Variants in RHPN2 observed in about 807,000 individuals in gnomAD.
The protein encoded by RHPN2 is rhophilin-2.
RHPN2 carries 40 observed loss-of-function variants against 79.0 expected under a neutral mutation model. The observed-to-expected ratio is 0.51, with a 90% CI of 0.39 to 0.66. The LOEUF (loss-of-function observed/expected upper bound fraction) is 0.66, where lower values mean the gene tolerates loss of function less well. RHPN2 is among the 30% of genes least tolerant of loss of function. RHPN2 has a pLI of 0.00. For synonymous variants in RHPN2, 285 were observed against 363.5 expected, an observed-to-expected ratio of 0.78 and a Z score of 2.46; for missense variants, 686 against 883.5, an observed-to-expected ratio of 0.78 and a Z score of 2.83.
At chr19:33,043,132 CT>C (rs936118372) in intron 2 of RHPN2, among the ~76,000 whole-genome samples, 1 of 151,080 alleles carries the variant, frequency 6.6e-6, no homozygotes, top group Non-Finnish European at 1.5e-5. Context: ...GTCCCAGCTA[CT>C]CAGTAGGCTG....
intron 14 of RHPN2, among the ~76,000 whole-genome samples, chr19:32,982,253 C>G (rs1213740961): frequency 6.6e-6 from 1 of 151,806 alleles, no homozygotes; most frequent in Non-Finnish European, 1.5e-5. Flanking sequence ...ACTAAAAATA[C>G]AAAAATCAGC....
At chr19:33,013,168 GC>G (rs1971849335) in intron 4 of RHPN2, among the ~76,000 whole-genome samples, 1 of 143,672 alleles carries the variant, frequency 7.0e-6, no homozygotes, top group Non-Finnish European at 1.5e-5. Context: ...CAGCCACCGT[GC>G]CCGGCCATAG....
At chr19:33,047,876 C>T (rs964556198) in intron 1 of RHPN2, among the ~76,000 whole-genome samples, 3 of 152,050 alleles carry the variant, frequency 2.0e-5, no homozygotes, top group African/African-American at 4.8e-5. Context: ...TGCGCCACTG[C>T]ACTCCAGCCT....
chr19:33,047,979 A>G (rs1057378126), intron 1 of RHPN2, among the ~76,000 whole-genome samples: 3 of 152,092 alleles, frequency 2.0e-5, no homozygotes, highest in Non-Finnish European at 4.4e-5. Flanking sequence ...ATTTCCCATC[A>G]GGTCACCACC....
At position 32,979,940 on chromosome 19, in the gene RHPN2, T is replaced by G; in HGVS notation, c.*56A>C. ...TATTTTCCATTATGGCACAAACGTT[T>G]AAGGCCGAGTCAGCACCGGAAATGT... On this transcript the variant is annotated 3_prime_UTR_variant, in exon 15 of 15. Coordinates refer to ENST00000254260, the MANE Select transcript of RHPN2 (RefSeq NM_033103.5). 1 of 1,601,024 alleles carries G rather than the reference T, an allele frequency of 6.2e-7. No homozygotes were observed.
At chr19:33,039,843 G>GAA (rs11321994) in intron 2 of RHPN2, among the ~76,000 whole-genome samples, 1 of 89,342 alleles carries the variant, frequency 1.1e-5, no homozygotes, top group African/African-American at 3.9e-5. Flanking sequence ...GTCTCAAAAA[G>GAA]AAAAAAAAAA....
At chr19:33,026,035 G>A (rs150029189) in intron 3 of RHPN2, among the ~76,000 whole-genome samples, 2,144 of 143,534 alleles carry the variant, frequency 0.015, 33 homozygotes, top group Middle Eastern at 0.043. Context: ...TCTGTCAGCC[G>A]GGCTGGAGTA....
At chr19:33,010,160 C>A (rs1971824399) in intron 6 of RHPN2, among the ~76,000 whole-genome samples, 1 of 152,134 alleles carries the variant, frequency 6.6e-6, no homozygotes, top group African/African-American at 2.4e-5. Flanking sequence ...GGAGAAACCA[C>A]CTTTCGCCTT....
intron 1 of RHPN2, among the ~76,000 whole-genome samples, chr19:33,054,206 T>TG (rs1972213099): frequency 6.7e-6 from 1 of 149,542 alleles, no homozygotes; most frequent in African/African-American, 2.5e-5. Flanking sequence ...TGTTTTTTTT[T>TG]TTTTTTTTTG....
intron 1 of RHPN2, among the ~76,000 whole-genome samples, chr19:33,057,424 T>A (rs1053356112): frequency 1.3e-5 from 2 of 152,032 alleles, no homozygotes; most frequent in African/African-American, 4.8e-5. Flanking sequence ...GCATGATGGC[T>A]CACGCCTGTA....
At chr19:32,981,427 CG>C (rs1483764874) in intron 14 of RHPN2, among the ~76,000 whole-genome samples, 1 of 25,366 alleles carries the variant, frequency 3.9e-5, no homozygotes. Flanking sequence ...AGGGGGGGGG[CG>C]GGGGGAAGGG....
chr19:33,024,135 C>T (rs1166413088), intron 3 of RHPN2, among the ~76,000 whole-genome samples: 3 of 152,114 alleles, frequency 2.0e-5, no homozygotes, highest in African/African-American at 7.2e-5. Flanking sequence ...ACTGACTGGG[C>T]GTTCAAAACT....
intron 12 of RHPN2, among the ~76,000 whole-genome samples, chr19:32,993,406 G>A (rs1453658197): frequency 3.3e-5 from 5 of 151,956 alleles, no homozygotes; most frequent in South Asian, 2.1e-4. Context: ...CCTGGGAGGC[G>A]GAGGCTGCAG....
chr19:33,017,926 C>T (rs1971891186), intron 4 of RHPN2, among the ~76,000 whole-genome samples: 1 of 151,662 alleles, frequency 6.6e-6, no homozygotes, highest in Non-Finnish European at 1.5e-5. Flanking sequence ...GAGCCTGAGG[C>T]AGGTGTATCA....
At chr19:33,040,116 C>T (rs1413285730) in intron 2 of RHPN2, among the ~76,000 whole-genome samples, 1 of 152,078 alleles carries the variant, frequency 6.6e-6, no homozygotes, top group East Asian at 1.9e-4. Flanking sequence ...TGATCTAGCC[C>T]AACAACTCTC....
At chr19:33,047,126 G>A (rs1306545599) in intron 1 of RHPN2, among the ~76,000 whole-genome samples, 2 of 152,144 alleles carry the variant, frequency 1.3e-5, no homozygotes, top group East Asian at 3.9e-4. Flanking sequence ...CTCCCAAAGT[G>A]CTAGTCTTAC....
At chr19:33,011,924 C>T (rs1223015426) in intron 5 of RHPN2, 121 bp from the exon 6 acceptor site, 8 of 1,278,388 alleles carry the variant, frequency 6.3e-6, no homozygotes, top group East Asian at 2.5e-5. Context: ...ATGATGACCT[C>T]GCTACTGGCA....
chr19:33,008,018 G>A lies in RHPN2; in HGVS notation c.756C>T (p.Ala252=), dbSNP rs753699693. ...LESAIDAFQR[A]AGVLNYLKDT... ...TCAGCCCTGGAGGAGACATACCTGC[G>A]GCTCTCTGAAAGGCATCTATGGCAC... is the stretch of plus-strand genomic sequence containing the variant. Residue 252 remains alanine, a synonymous_variant, in exon 7 of 15, where the codon GCC becomes GCT. Transcript: ENST00000254260. The A allele has an allele frequency of 1.0e-4, 165 of 1,611,938 alleles. 1 individual carries two copies. Among genetic ancestry groups the A allele is most frequent in the Admixed American group, 1.0e-4 (6 of 59,956 alleles).
chr19:33,045,653 T>C (rs898950240), intron 1 of RHPN2, among the ~76,000 whole-genome samples: 1 of 152,140 alleles, frequency 6.6e-6, no homozygotes, highest in Non-Finnish European at 1.5e-5. Context: ...TTTGTATTTT[T>C]AGTAGAGACA....
Sources: gnomAD v4.1 joint callset for allele counts (sites outside exome capture counted in the v4.1 genomes callset) on GRCh38, gnomAD v4.1.1 for gene constraint, MANE v1.5 for transcripts, NCBI Gene and HGNC (gene_info 2026-07-23, HGNC 2026-07-21) for gene names.